ADARB2: variants seen among roughly 807,000 people sequenced by gnomAD.
The protein encoded by ADARB2 is inactive double-stranded RNA-specific editase B2.
A neutral mutation model predicts 62.2 loss-of-function variants in ADARB2; 25 were observed. That is an observed-to-expected ratio of 0.40 (90% CI 0.29 to 0.56). The LOEUF is 0.56. Among genes scored for constraint, ADARB2 ranks in the 20% least tolerant of loss-of-function variants. The pLI is 0.43. For synonymous variants in ADARB2, 572 were observed against 500.8 expected (o/e 1.14, Z -1.90); for missense variants, 1,071 against 1,077.4 (o/e 0.99, Z 0.08).
At chr10:1,370,545 T>C (rs1038072153) in intron 2 of ADARB2, among the ~76,000 whole-genome samples, 4 of 147,144 alleles carry the variant, frequency 2.7e-5, no homozygotes, top group African/African-American at 9.7e-5. Context: ...TGTGTATACC[T>C]AGGAAACCCT....
At chr10:1,509,817 G>A (rs1431073051) in intron 1 of ADARB2, among the ~76,000 whole-genome samples, 1 of 152,158 alleles carries the variant, frequency 6.6e-6, no homozygotes, top group Non-Finnish European at 1.5e-5. Context: ...AGCCTGGCTA[G>A]GGATCTTATC....
At chr10:1,472,378 C>A (rs1831335193) in intron 1 of ADARB2, among the ~76,000 whole-genome samples, 1 of 152,180 alleles carries the variant, frequency 6.6e-6, no homozygotes, top group African/African-American at 2.4e-5. Flanking sequence ...GGGGCGAGGG[C>A]CACGCGGCTC....
chr10:1,185,797 C>T (rs879873527), intron 8 of ADARB2, among the ~76,000 whole-genome samples: 3 of 152,212 alleles, frequency 2.0e-5, no homozygotes, highest in Non-Finnish European at 2.9e-5. Context: ...AAAAGTGTTG[C>T]CTCTTGTGTG....
intron 1 of ADARB2, among the ~76,000 whole-genome samples, chr10:1,600,965 G>C (rs1424614996): frequency 6.6e-6 from 1 of 152,226 alleles, no homozygotes; most frequent in African/African-American, 2.4e-5. Flanking sequence ...GATGACGGCG[G>C]CCGCAGAAGC....
At chr10:1,693,288 T>C (rs1834696081) in intron 1 of ADARB2, among the ~76,000 whole-genome samples, 1 of 152,088 alleles carries the variant, frequency 6.6e-6, no homozygotes, top group Non-Finnish European at 1.5e-5. Context: ...CTGGGGAGAT[T>C]AGGGCTTGTC....
intron 1 of ADARB2, among the ~76,000 whole-genome samples, chr10:1,668,836 TG>T (rs1357936214): frequency 1.3e-5 from 2 of 152,270 alleles, no homozygotes; most frequent in African/African-American, 4.8e-5. Flanking sequence ...CCTCCCGTTG[TG>T]CTGCTCACAG....
chr10:1,205,941 C>T (rs963674403), intron 7 of ADARB2, among the ~76,000 whole-genome samples: 4 of 150,434 alleles, frequency 2.7e-5, no homozygotes, highest in African/African-American at 9.8e-5. Context: ...CCGCTGGGGT[C>T]AGGTGGGGTC....
At chr10:1,198,786 G>A (rs571923253) in intron 8 of ADARB2, among the ~76,000 whole-genome samples, 2 of 152,330 alleles carry the variant, frequency 1.3e-5, no homozygotes, top group South Asian at 4.1e-4. Flanking sequence ...TATTTATGTT[G>A]ACATGTTCCC....
chr10:1,717,706 T>C (rs926208199), intron 1 of ADARB2, among the ~76,000 whole-genome samples: 10 of 151,986 alleles, frequency 6.6e-5, no homozygotes, highest in Non-Finnish European at 1.5e-5. Context: ...GACTCCCGAG[T>C]AGCTGGGACT....
Position 1,242,120 on chromosome 10 carries a change from C to T in ADARB2, c.1361+11G>A, listed in dbSNP as rs573377353. On this transcript the variant is annotated intron_variant, in intron 5 of 9. Transcript: ENST00000381312. ...GTCCGCCTTCCCTGGAGCCCGTCCCCAGCCGCTCACCTCAGGTGCAGCTCC... is the reference window on the plus strand; with the variant it reads ...GTCCGCCTTCCCTGGAGCCCGTCCCTAGCCGCTCACCTCAGGTGCAGCTCC... 26 of 1,593,508 alleles carry T rather than the reference C, an allele frequency of 1.6e-5. No individual in the cohort carries two copies. In the South Asian group the frequency reaches 2.4e-4, roughly 15 times the overall value.
At chr10:1,301,570 C>T (rs921487837) in intron 3 of ADARB2, among the ~76,000 whole-genome samples, 7 of 152,134 alleles carry the variant, frequency 4.6e-5, no homozygotes, top group African/African-American at 1.4e-4. Flanking sequence ...CTCTCTCTCT[C>T]TCTGTCCCTC....
At chr10:1,574,541 G>A (rs946426183) in intron 1 of ADARB2, among the ~76,000 whole-genome samples, 1 of 152,042 alleles carries the variant, frequency 6.6e-6, no homozygotes, top group African/African-American at 2.4e-5. Flanking sequence ...CGTTTTGGAG[G>A]CTGGGTGTCC....
chr10:1,389,070 T>C (rs1203263298), intron 1 of ADARB2, among the ~76,000 whole-genome samples: 1 of 152,192 alleles, frequency 6.6e-6, no homozygotes, highest in East Asian at 1.9e-4. Context: ...TAAATAGTTC[T>C]AAGAAACTAG....
chr10:1,377,270 CCCTGGGGTGTGTGTATGTGCGTGTGCT>C (rs1564274020), intron 2 of ADARB2, among the ~76,000 whole-genome samples: 1 of 105,636 alleles, frequency 9.5e-6, no homozygotes, highest in Non-Finnish European at 1.9e-5. Context: ...TTGTGTGTGC[CCCTGGGGTGTGTGTATGTGCGTGTGCT>C]CCTGGGGTGT....
intron 1 of ADARB2, among the ~76,000 whole-genome samples, chr10:1,626,709 G>A (rs886615615): frequency 6.6e-6 from 1 of 152,196 alleles, no homozygotes; most frequent in East Asian, 1.9e-4. Context: ...AGGGAAGGTG[G>A]CTACACACGT....
At chr10:1,247,958 G>C (rs1019131180) in intron 4 of ADARB2, among the ~76,000 whole-genome samples, 1 of 152,196 alleles carries the variant, frequency 6.6e-6, no homozygotes, top group African/African-American at 2.4e-5. Flanking sequence ...CTGGGATGGG[G>C]GTGAGGCCAT....
At chr10:1,252,659 ATT>A (rs36041056) in intron 4 of ADARB2, among the ~76,000 whole-genome samples, 211 of 149,716 alleles carry the variant, frequency 1.4e-3, no homozygotes, top group African/African-American at 3.1e-3. Context: ...CTGCAAGCCA[ATT>A]TTTTTTTTTT....
At chr10:1,267,903 A>T (rs1445140482) in intron 4 of ADARB2, among the ~76,000 whole-genome samples, 1 of 152,192 alleles carries the variant, frequency 6.6e-6, no homozygotes, top group Non-Finnish European at 1.5e-5. Flanking sequence ...CTCAAAAGAC[A>T]AAGTAGAGAA....
At chr10:1,471,692 C>T (rs543121942) in intron 1 of ADARB2, among the ~76,000 whole-genome samples, 1 of 152,342 alleles carries the variant, frequency 6.6e-6, no homozygotes, top group South Asian at 2.1e-4. Flanking sequence ...CATGCCTGGC[C>T]TGTATAATTT....
Sources: allele counts gnomAD v4.1 joint callset (sites outside exome capture counted in the v4.1 genomes callset), GRCh38; gene constraint gnomAD v4.1.1; transcripts MANE v1.5; gene names NCBI Gene and HGNC (gene_info 2026-07-23, HGNC 2026-07-21).